CUBN: variants seen among roughly 807,000 people sequenced by gnomAD.
CUBN encodes cubilin.
Under a neutral mutation model 405.3 loss-of-function variants are expected in CUBN, and 282 were observed. The observed-to-expected ratio is 0.70, with a 90% CI of 0.63 to 0.77. The LOEUF is 0.77. Ranked by LOEUF, CUBN falls within the 30% of genes least tolerant of loss-of-function variation. The pLI, the probability that CUBN is intolerant of heterozygous loss-of-function variation, is 0.00. For missense variants in CUBN, 4,514 were observed against 4,475.2 expected (o/e 1.01, Z -0.25); for synonymous variants, 1,684 against 1,617.0 (o/e 1.04, Z -0.99).
At chr10:16,949,928 G>T in intron 34 of CUBN, 73 bp downstream of exon 34, 1 of 1,084,966 alleles carries the variant, frequency 9.2e-7, no homozygotes, top group Non-Finnish European at 1.4e-6. Context: ...TAGAATGGCA[G>T]CCTATAAATA....
At chr10:16,951,910 C>T (rs1245660141) in intron 33 of CUBN, among the ~76,000 whole-genome samples, 1 of 152,124 alleles carries the variant, frequency 6.6e-6, no homozygotes, top group East Asian at 1.9e-4. Context: ...TCAAGGCACA[C>T]ATGTCAAAAA....
chr10:16,907,790 A>C, intron 48 of CUBN, 111 bp from the exon 49 acceptor site: 1 of 1,060,260 alleles, frequency 9.4e-7, no homozygotes, highest in South Asian at 1.3e-5. Context: ...ACCCTGCCCC[A>C]AAATGAATGA....
chr10:16,918,831 A>C (rs1427480187), intron 44 of CUBN, 31 bp from the exon 45 acceptor site: 1 of 1,591,538 alleles, frequency 6.3e-7, no homozygotes, highest in African/African-American at 1.3e-5. Flanking sequence ...TGTTAAATTT[A>C]CATGGTCAGA....
intron 34 of CUBN, among the ~76,000 whole-genome samples, chr10:16,949,454 T>TGTG (rs1001875956): frequency 1.4e-5 from 1 of 72,662 alleles, no homozygotes; most frequent in African/African-American, 3.7e-5. Context: ...TGTGTGTGTG[T>TGTG]GTGTGTGTGT....
chr10:17,068,727 T>C lies in CUBN; in HGVS notation c.2669A>G (p.Tyr890Cys). 2.5e-6 allele frequency: 4 copies of C among 1,612,712 alleles called. No homozygotes were observed. Among genetic ancestry groups the C allele is most frequent in the Non-Finnish European group, 3.4e-6 (4 of 1,178,928 alleles). The change falls in exon 20 of 67, where the codon TAT (tyrosine) becomes TGT (cysteine). Residue 890 changes from tyrosine to cysteine, a missense_variant. Tyr to Cys is a radical substitution (Grantham distance 194, BLOSUM62 -2). This residue lies in a region of CUBN where 1,448 missense variants were observed against 1,388.0 expected (regional missense o/e 1.04). Coordinates refer to ENST00000377833, the MANE Select transcript of CUBN (RefSeq NM_001081.4). ...SILGSPENKK[Y>C]CGTDIPSFIT... ...AAATGAAGGTATGTCTGTACCGCAA[T>C]ACTTTTTATTTTCAGGAGAACCCAA...
In CUBN at chr10:16,915,031, C is replaced by T. The variant is rs771754133; in HGVS notation, c.7351+1G>A. 3 of 1,613,572 alleles carry T rather than the reference C, an allele frequency of 1.9e-6. No individual in the cohort carries two copies. Among genetic ancestry groups the T allele is most frequent in the East Asian group, 2.2e-5 (1 of 44,880 alleles). On this transcript the variant is annotated splice_donor_variant, in intron 47 of 66. Transcript: ENST00000377833. LOFTEE classifies it high-confidence loss of function. ...TGTGTTGAATGAATCAATGAACTCA[C>T]CTTCCATACTGGATTCAAATCGCAG...
intron 36 of CUBN, among the ~76,000 whole-genome samples, chr10:16,941,899 T>C (rs1842660896): frequency 6.6e-6 from 1 of 151,830 alleles, no homozygotes; most frequent in Non-Finnish European, 1.5e-5. Flanking sequence ...GGTGGGGAAA[T>C]GGGAGATAAT....
At chr10:16,987,400 C>T (rs766607606) in intron 29 of CUBN, among the ~76,000 whole-genome samples, 178 of 152,344 alleles carry the variant, frequency 1.2e-3, no homozygotes, top group Non-Finnish European at 1.6e-3. Context: ...GGATGGAGGA[C>T]ATTTCAAAGC....
At chr10:16,980,951 A>G (rs996201145) in intron 31 of CUBN, among the ~76,000 whole-genome samples, 4 of 152,148 alleles carry the variant, frequency 2.6e-5, no homozygotes, top group Admixed American at 6.5e-5. Flanking sequence ...AGCGCAAAGC[A>G]TTAGTTTCAG....
chr10:17,079,234 T>TA (rs1564506660), intron 17 of CUBN, among the ~76,000 whole-genome samples: 2 of 82,766 alleles, frequency 2.4e-5, no homozygotes, highest in East Asian at 3.9e-4. Context: ...GAATGCAAAC[T>TA]CTTTTTTTTT....
chr10:16,984,790 G>T (rs1454900421), intron 29 of CUBN, among the ~76,000 whole-genome samples: 3 of 152,150 alleles, frequency 2.0e-5, no homozygotes, highest in Non-Finnish European at 4.4e-5. Flanking sequence ...TATATTTTTA[G>T]GAATTTCCAC....
intron 59 of CUBN, among the ~76,000 whole-genome samples, chr10:16,869,070 G>T (rs1246149204): frequency 6.6e-6 from 1 of 151,654 alleles, no homozygotes; most frequent in South Asian, 2.1e-4. Context: ...GTCCGTTCAA[G>T]GCTTTGACAC....
chr10:17,071,167 T>C (rs1835730277), intron 19 of CUBN, among the ~76,000 whole-genome samples: 1 of 152,158 alleles, frequency 6.6e-6, no homozygotes, highest in Non-Finnish European at 1.5e-5. Flanking sequence ...GTACCATGTA[T>C]CACATTAACT....
At chr10:17,081,764 T>A (rs1835975229) in intron 17 of CUBN, among the ~76,000 whole-genome samples, 1 of 152,186 alleles carries the variant, frequency 6.6e-6, no homozygotes. Flanking sequence ...TAGAGGTACA[T>A]CTAAGTTTTA....
chr10:16,963,529 A>G (rs528474234), intron 31 of CUBN, among the ~76,000 whole-genome samples: 1 of 152,324 alleles, frequency 6.6e-6, no homozygotes, highest in South Asian at 2.1e-4. Context: ...CAGAAAAGTT[A>G]AAAGCTAGCA....
intron 26 of CUBN, 139 bp from the exon 27 acceptor site, chr10:17,041,359 T>C: frequency 1.5e-6 from 1 of 688,742 alleles, no homozygotes; most frequent in Non-Finnish European, 2.6e-6. Flanking sequence ...TATATGTGTG[T>C]GTATATATAC....
Position 16,825,032 on chromosome 10 carries a change from T to C in CUBN, c.10815A>G (p.Lys3605=). The change falls in exon 67 of 67, where the codon AAA becomes AAG. Residue 3605 remains lysine (K), a synonymous_variant. Transcript: ENST00000377833. ...GACGCCGTGCATAATCAGCATGAAA[T>C]TTTATGAAGACCTGATTTGAGGAAG... ...FVASSNQVFI[K]FHADYARRPS... is the part of the protein sequence containing the mutation. The C allele has an allele frequency of 6.2e-7, 1 of 1,613,922 alleles. No homozygotes were observed. The highest frequency in any genetic ancestry group is 2.2e-5 in the East Asian group (1 of 44,876).
At chr10:16,904,201 A>C in intron 50 of CUBN, 86 bp from the exon 51 acceptor site, 1 of 1,257,608 alleles carries the variant, frequency 8.0e-7, no homozygotes, top group Middle Eastern at 1.9e-4. Context: ...AAATTTCAAG[A>C]TATTCATTGA....
intron 14 of CUBN, among the ~76,000 whole-genome samples, chr10:17,090,404 C>T (rs1008910801): frequency 2.8e-4 from 42 of 149,596 alleles, no homozygotes; most frequent in African/African-American, 1.0e-3. Flanking sequence ...GTGGAAGGGA[C>T]AGGAAAAAAA....
Sources: gnomAD v4.1 joint callset for allele counts (sites outside exome capture counted in the v4.1 genomes callset) on GRCh38, gnomAD v4.1.1 for gene constraint, gnomAD v4.1.1 regional missense constraint, MANE v1.5 for transcripts, NCBI Gene and HGNC (gene_info 2026-07-23, HGNC 2026-07-21) for gene names.